The following FRMPD4 variants were observed in gnomAD, a reference collection of about 807,000 sequenced individuals.
The protein encoded by FRMPD4 is FERM and PDZ domain-containing protein 4.
Under a neutral mutation model 94.1 loss-of-function variants are expected in FRMPD4, and 22 were observed. That is an observed-to-expected ratio of 0.23 (90% CI 0.17 to 0.33). FRMPD4 has a LOEUF of 0.33. Among genes scored for constraint, FRMPD4 ranks in the 10% least tolerant of loss-of-function variants. The pLI is 1.00. For missense variants in FRMPD4, 1,111 were observed against 1,339.9 expected (o/e 0.83, Z 2.67); for synonymous variants, 631 against 548.6 (o/e 1.15, Z -2.10).
chrX:12,265,890 A>G (rs1246169263), intron 1 of FRMPD4, among the ~76,000 whole-genome samples: 1 of 110,008 alleles, frequency 9.1e-6, no homozygotes, highest in East Asian at 2.8e-4. Context: ...GCACTTTGGG[A>G]GGCCGAGGTG....
intron 1 of FRMPD4, among the ~76,000 whole-genome samples, chrX:12,229,677 A>T (rs754681193): frequency 9.0e-5 from 10 of 111,493 alleles, no homozygotes; most frequent in Non-Finnish European, 1.3e-4. Flanking sequence ...CCTTTCTCCC[A>T]GGCGTCCATC....
chrX:12,342,617 C>T (rs1013569370), intron 1 of FRMPD4, among the ~76,000 whole-genome samples: 4 of 111,971 alleles, frequency 3.6e-5, no homozygotes, highest in Admixed American at 9.5e-5. Flanking sequence ...GGAAAAATAA[C>T]AGAGGCAGGA....
intron 1 of FRMPD4, among the ~76,000 whole-genome samples, chrX:12,397,664 A>T (rs961190025): frequency 2.7e-5 from 3 of 111,210 alleles, no homozygotes; most frequent in Non-Finnish European, 5.7e-5. Flanking sequence ...AATAGGAGAG[A>T]CATCAGGGGC....
intron 1 of FRMPD4, among the ~76,000 whole-genome samples, chrX:12,194,299 TC>T (rs1259512506): frequency 9.0e-6 from 1 of 111,112 alleles, no homozygotes; most frequent in Non-Finnish European, 1.9e-5. Flanking sequence ...TTGAAGTACT[TC>T]CTTTGGCTGC....
intron 3 of FRMPD4, among the ~76,000 whole-genome samples, chrX:12,001,359 T>C (rs1036974974): frequency 2.7e-5 from 3 of 112,434 alleles, no homozygotes; most frequent in African/African-American, 6.5e-5. Flanking sequence ...GGAGTTTCAG[T>C]TGACTTTTCT....
At chrX:12,536,343 C>A (rs2058338679) in intron 2 of FRMPD4, among the ~76,000 whole-genome samples, 1 of 81,859 alleles carries the variant, frequency 1.2e-5, no homozygotes, top group Non-Finnish European at 2.7e-5. Context: ...TTGTGTAACA[C>A]CTGTTATAAG....
Position 12,522,594 on chromosome X carries a change from C to CTTTT in FRMPD4, c.158+23816_158+23819dup, listed in dbSNP as rs373581040. 5.1e-4 allele frequency among the ~76,000 whole-genome samples: 38 copies of CTTTT among 74,542 alleles called. 1 individual carries two copies. Among genetic ancestry groups the CTTTT allele is most frequent in the African/African-American group, 1.0e-3 (18 of 17,168 alleles). 64.7% of individuals were successfully genotyped at this position (74,542 alleles called of 115,157 possible). A position where few individuals can be genotyped will look rare whatever the true frequency, so the allele number is the denominator to read the frequency against. On this transcript the variant is annotated intron_variant, in intron 2 of 16. Transcript: ENST00000675598. ...TTTAATGGCAATTGATTTTCTTTTC[C>CTTTT]TTTTTTTTTTTTTTTTTTTTTCTTT...
chrX:11,974,550 T>C (rs1290030183), intron 3 of FRMPD4, among the ~76,000 whole-genome samples: 1 of 111,997 alleles, frequency 8.9e-6, no homozygotes, highest in Non-Finnish European at 1.9e-5. Flanking sequence ...CTAAGGCAAC[T>C]AAGACAAAAG....
rs1260310588 is a variant in FRMPD4, at chrX:12,138,797, G to A, written c.-175G>A. 2.5e-5 allele frequency: 9 copies of A among 365,249 alleles called. No homozygotes were observed. Among genetic ancestry groups the A allele is most frequent in the East Asian group, 4.5e-5 (1 of 22,221 alleles). The allele number at this position is 365,249 out of a possible 1,213,427, so 30.1% of individuals were successfully genotyped here. On this transcript the variant is annotated 5_prime_UTR_variant, in exon 1 of 17. Coordinates refer to ENST00000675598, the MANE Select transcript of FRMPD4 (RefSeq NM_001368397.1). ...ACACGCAGCTCGCGGCCGGAGGGGG[G>A]TAGCAGCCGCCGCCTCCAGGTGCAG... is the stretch of plus-strand genomic sequence containing the variant.
At chrX:12,006,923 G>T (rs1051574269) in intron 3 of FRMPD4, among the ~76,000 whole-genome samples, 1 of 111,693 alleles carries the variant, frequency 9.0e-6, no homozygotes, top group Non-Finnish European at 1.9e-5. Flanking sequence ...TATGAGTCCA[G>T]GTCAGTCTTC....
chrX:12,319,512 C>T (rs769925190), intron 1 of FRMPD4, among the ~76,000 whole-genome samples: 2 of 111,487 alleles, frequency 1.8e-5, no homozygotes, highest in African/African-American at 3.3e-5. Flanking sequence ...CTACACACTC[C>T]GGTAAGGGAA....
intron 1 of FRMPD4, among the ~76,000 whole-genome samples, chrX:12,273,099 AT>A (rs1174936770): frequency 6.3e-5 from 7 of 110,992 alleles, no homozygotes; most frequent in African/African-American, 1.6e-4. Flanking sequence ...AGAAAAAAAA[AT>A]AACTGTCACT....
At chrX:12,088,512 G>T (rs1389896696) in intron 3 of FRMPD4, among the ~76,000 whole-genome samples, 1 of 111,852 alleles carries the variant, frequency 8.9e-6, no homozygotes, top group African/African-American at 3.3e-5. Flanking sequence ...CTATTTTCTT[G>T]CCTGTAAAAT....
chrX:12,054,763 G>C (rs1569150157), intron 3 of FRMPD4: 1 of 111,773 alleles, frequency 8.9e-6, no homozygotes, highest in Non-Finnish European at 1.9e-5. Flanking sequence ...AAAGCAAATG[G>C]AAAGGAAGTG....
chrX:12,639,606 A>T (rs1433236410), intron 4 of FRMPD4, among the ~76,000 whole-genome samples: 1 of 112,457 alleles, frequency 8.9e-6, no homozygotes, highest in Non-Finnish European at 1.9e-5. Context: ...CCTAATTTTT[A>T]AAAAGTACCT....
chrX:12,702,018 T>C lies in FRMPD4; in HGVS notation c.1070+8T>C. 9 of 1,207,461 alleles carry C rather than the reference T, an allele frequency of 7.5e-6. No homozygotes were observed. Among genetic ancestry groups the C allele is most frequent in the Non-Finnish European group, 7.9e-6 (7 of 891,445 alleles). ...CTCCCTCAAATACATCGAGTAAGTGTTGACTCTCAGCGCCATTTCGGAGAC... is the reference window on the plus strand; with the variant it reads ...CTCCCTCAAATACATCGAGTAAGTGCTGACTCTCAGCGCCATTTCGGAGAC... On this transcript the variant is annotated splice_region_variant and intron_variant, in intron 10 of 16. Coordinates refer to ENST00000675598, the MANE Select transcript of FRMPD4 (RefSeq NM_001368397.1).
intron 1 of FRMPD4, among the ~76,000 whole-genome samples, chrX:12,274,583 G>T (rs5979559): frequency 0.086 from 9,610 of 112,155 alleles, 346 homozygotes; most frequent in South Asian, 0.13. Flanking sequence ...TTTCTCAAGA[G>T]ATGTTAGGAG....
chrX:12,187,039 T>C (rs373288666), intron 1 of FRMPD4, among the ~76,000 whole-genome samples: 1 of 112,404 alleles, frequency 8.9e-6, no homozygotes, highest in African/African-American at 3.2e-5. Context: ...CCTCTGATCA[T>C]TGAAAGAAAA....
rs1028663448 is a variant in FRMPD4, at chrX:12,183,408, A to C, written c.41+44396A>C. Among the ~76,000 whole-genome samples, 25 of 112,139 alleles carry C rather than the reference A, an allele frequency of 2.2e-4. 1 individual carries two copies. Among genetic ancestry groups the C allele is most frequent in the African/African-American group, 8.1e-4 (25 of 30,907 alleles). Reference sequence around the variant, plus strand: ...TCCTCCACAAATCCACAAAGCATACATTTACATTCATTGAACATGCAAGAT... The same window carrying C: ...TCCTCCACAAATCCACAAAGCATACCTTTACATTCATTGAACATGCAAGAT... On this transcript the variant is annotated intron_variant, in intron 1 of 16. Transcript: ENST00000675598.
Sources: gnomAD v4.1 joint callset for allele counts (sites outside exome capture counted in the v4.1 genomes callset) on GRCh38, gnomAD v4.1.1 for gene constraint, MANE v1.5 for transcripts, NCBI Gene and HGNC (gene_info 2026-07-23, HGNC 2026-07-21) for gene names.